The following PIP5K1C variants were observed in gnomAD, a reference collection of about 807,000 sequenced individuals.
The protein encoded by PIP5K1C is phosphatidylinositol 4-phosphate 5-kinase type-1 gamma.
In PIP5K1C, 45 loss-of-function variants were observed where a neutral mutation model predicts 80.1. The ratio of observed to expected loss-of-function variants is 0.56; its 90% CI spans 0.44 to 0.72. The LOEUF (loss-of-function observed/expected upper bound fraction) is 0.72. Ranked by LOEUF, PIP5K1C falls within the 30% of genes least tolerant of loss-of-function variation. The pLI is 0.00. For missense variants in PIP5K1C, 753 were observed against 954.6 expected, an observed-to-expected ratio of 0.79 and a Z score of 2.78; for synonymous variants, 498 against 420.1, an observed-to-expected ratio of 1.19 and a Z score of -2.27.
intron 8 of PIP5K1C, among the ~76,000 whole-genome samples, chr19:3,651,500 C>T (rs1056070934): frequency 1.3e-5 from 2 of 152,224 alleles, no homozygotes; most frequent in East Asian, 1.9e-4. Context: ...GCACGGGTGG[C>T]GTGTAGACCC....
At chr19:3,665,916 C>G (rs1162764425) in intron 2 of PIP5K1C, among the ~76,000 whole-genome samples, 1 of 152,176 alleles carries the variant, frequency 6.6e-6, no homozygotes, top group African/African-American at 2.4e-5. Context: ...AGACCCCATC[C>G]CACCGCTATC....
chr19:3,699,969 C>A (rs1179914506), intron 1 of PIP5K1C, among the ~76,000 whole-genome samples: 3 of 152,226 alleles, frequency 2.0e-5, no homozygotes, highest in Non-Finnish European at 2.9e-5. Context: ...GCCTCAGAGA[C>A]CCCCGCCTCC....
At chr19:3,666,523 G>A (rs1600025734) in intron 2 of PIP5K1C, among the ~76,000 whole-genome samples, 1 of 151,798 alleles carries the variant, frequency 6.6e-6, no homozygotes, top group African/African-American at 2.4e-5. Flanking sequence ...ACAGGCAAAC[G>A]TGTACATACG....
At chr19:3,646,127 G>C in intron 10 of PIP5K1C, 69 bp from the exon 11 acceptor site, 1 of 949,878 alleles carries the variant, frequency 1.1e-6, no homozygotes, top group Non-Finnish European at 1.7e-6. Flanking sequence ...GACAGCCCCA[G>C]ACAGACGCTG....
At position 3,657,882 on chromosome 19, in the gene PIP5K1C, CT is replaced by C. The variant is rs565903564; in HGVS notation, c.469-1326del. 2.6e-4 allele frequency among the ~76,000 whole-genome samples: 40 copies of C among 152,266 alleles called. No individual in the cohort carries two copies. The East Asian group carries it at 6.8e-3, about 26-fold the overall frequency. ...CCCAGGAGGTCAAGGCTGCTGTGAG[CT>C]GTGACAGCGCCACTGCCCTCCAACC... On this transcript the variant is annotated intron_variant, in intron 5 of 17. Coordinates refer to ENST00000335312, the MANE Select transcript of PIP5K1C (RefSeq NM_012398.3).
rs536792973 is a variant in PIP5K1C at position 3,659,719 on chromosome 19, C to T, written c.468+1247G>A. ...CCTGAACAGGCTGGAGTTCTCGGGG[C>T]GGGGGAGGGGGGGGTGTCACACGTA... On this transcript the variant is annotated intron_variant, in intron 5 of 17. Transcript: ENST00000335312. Among the ~76,000 whole-genome samples the T allele has an allele frequency of 7.6e-5, 11 of 144,386 alleles. 1 individual carries two copies. The South Asian group carries it at 2.4e-3, about 32-fold the overall frequency. The allele number at this position is 144,386 out of a possible 152,430, so 94.7% of individuals were successfully genotyped here.
rs542656244 is a variant in PIP5K1C at position 3,688,412 on chromosome 19, C to T, written c.94+11885G>A. Among the ~76,000 whole-genome samples the T allele has an allele frequency of 2.0e-4, 30 of 152,228 alleles. 1 individual carries two copies. Among genetic ancestry groups the T allele is most frequent in the African/African-American group, 6.0e-4 (25 of 41,554 alleles). ...ACGGCCTCTGGCCCCCTGCTGTGGG[C>T]GGGGAGGGATCTAGAAGACCGGAAG... On this transcript the variant is annotated intron_variant, in intron 1 of 17. Transcript: ENST00000335312. The surrounding 1 kb of genome is among the most constrained non-coding windows in gnomAD (Gnocchi z 5.3).
chr19:3,695,452 C>T (rs887811382), intron 1 of PIP5K1C, among the ~76,000 whole-genome samples: 7 of 152,208 alleles, frequency 4.6e-5, no homozygotes, highest in Admixed American at 6.5e-5. Flanking sequence ...TCCATGCAGC[C>T]CAGGAGAAAG....
intron 1 of PIP5K1C, among the ~76,000 whole-genome samples, chr19:3,678,228 G>A (rs571829814): frequency 1.6e-4 from 21 of 129,310 alleles, no homozygotes; most frequent in African/African-American, 5.9e-4. Context: ...GGGACGGAGG[G>A]ATGGAGGATG....
At position 3,637,864 on chromosome 19, in the gene PIP5K1C, C is replaced by T; in HGVS notation, c.1920+1020G>A. On this transcript the variant is annotated intron_variant, in intron 16 of 17. Transcript: ENST00000335312. This position sits in a 1 kb window ranked among gnomAD's most constrained non-coding sequence, Gnocchi z 7.0. Reference sequence around the variant, plus strand: ...ACAGCACGACATGGCCCCCAGGCCCCCCGTACCATCCGGAGACCAGGACGC... The same window carrying T: ...ACAGCACGACATGGCCCCCAGGCCCTCCGTACCATCCGGAGACCAGGACGC... 1.3e-6 allele frequency: 2 copies of T among 1,535,390 alleles called. No homozygotes were observed. Among genetic ancestry groups the T allele is most frequent in the Non-Finnish European group, 1.7e-6 (2 of 1,146,696 alleles).
Position 3,647,390 on chromosome 19 carries a change from T to G in PIP5K1C, c.1212-4A>C. 1 of 1,581,492 alleles carries G rather than the reference T, an allele frequency of 6.3e-7. No individual in the cohort carries two copies. Among genetic ancestry groups the G allele is most frequent in the Non-Finnish European group, 8.6e-7 (1 of 1,162,740 alleles). The stretch of plus-strand genomic sequence containing the variant: ...GTGCTCCAGTTTCTTGATGAACCTG[T>G]GGAGAGAGCACCCGGAGTGGCAGCT... On this transcript the variant is annotated splice_polypyrimidine_tract_variant and splice_region_variant and intron_variant, in intron 9 of 17. Transcript: ENST00000335312.
rs147084430 is a variant in PIP5K1C at position 3,653,308 on chromosome 19, C to T, written c.903G>A (p.Thr301=). ...DADTFSALVK[T]LQRDCLVLES... ...CCCTCACCAGGCAGTCCCGCTGCAG[C>T]GTCTTGACCAGGGCGCTGAAGGTGT... The change falls in exon 7 of 18, where the codon ACG becomes ACA. Residue 301 remains threonine (T), a synonymous_variant. Transcript: ENST00000335312. The T allele has an allele frequency of 2.3e-5, 37 of 1,608,706 alleles. No individual in the cohort carries two copies. In the Middle Eastern group the frequency reaches 8.2e-4, roughly 36 times the overall value.
At chr19:3,655,943 G>C (rs2034611634) in intron 6 of PIP5K1C, among the ~76,000 whole-genome samples, 1 of 152,246 alleles carries the variant, frequency 6.6e-6, no homozygotes, top group Non-Finnish European at 1.5e-5. Context: ...GGGCCGGATG[G>C]AGCTGCCTCA....
At chr19:3,673,521 G>C (rs746697347) in intron 1 of PIP5K1C, among the ~76,000 whole-genome samples, 87 of 152,324 alleles carry the variant, frequency 5.7e-4, no homozygotes, top group African/African-American at 2.1e-3. Flanking sequence ...GAGTAGCACA[G>C]GGGGCCTGCA....
At position 3,688,732 on chromosome 19, in the gene PIP5K1C, AAGAGAG is replaced by A. The variant is rs140253409; in HGVS notation, c.94+11559_94+11564del. On this transcript the variant is annotated intron_variant, in intron 1 of 17. Transcript: ENST00000335312. This position sits in a 1 kb window ranked among gnomAD's most constrained non-coding sequence, Gnocchi z 5.3. Reference sequence around the variant, plus strand: ...TTGCTCAAACAGGACTGAGAGCGGAAAGAGAGAGAGAGAGAGGAGAGTGGGGGGAGA... The same window carrying A: ...TTGCTCAAACAGGACTGAGAGCGGAAAGAGAGAGAGGAGAGTGGGGGGAGA... Among the ~76,000 whole-genome samples the A allele has an allele frequency of 2.0e-5, 3 of 150,490 alleles. No homozygotes were observed. In the East Asian group the frequency reaches 5.9e-4, roughly 29 times the overall value.
At chr19:3,642,712 G>T (rs756487707) in intron 14 of PIP5K1C, among the ~76,000 whole-genome samples, 195 bp downstream of exon 14, 2 of 152,102 alleles carry the variant, frequency 1.3e-5, no homozygotes, top group African/African-American at 4.8e-5. Context: ...GACCAGAGCT[G>T]CCCTGGCTCT....
chr19:3,632,806 C>G lies in PIP5K1C; in HGVS notation c.*361G>C. ...GACACAGGCAGGCACAGCAGAGAAC[C>G]AAAGAGTGCAGTGGGCAGGGGCTCT... On this transcript the variant is annotated 3_prime_UTR_variant, in exon 18 of 18. Transcript: ENST00000335312. 3.7e-6 allele frequency: 1 copy of G among 268,250 alleles called. No homozygotes were observed. The highest frequency in any genetic ancestry group is 7.0e-6 in the Non-Finnish European group (1 of 142,870). 16.6% of individuals were successfully genotyped at this position (268,250 alleles called of 1,614,324 possible).
chr19:3,682,163 C>G (rs1475586120), intron 1 of PIP5K1C, among the ~76,000 whole-genome samples: 1 of 151,826 alleles, frequency 6.6e-6, no homozygotes, highest in African/African-American at 2.4e-5. Context: ...CACCTGAGAT[C>G]AGGAGTTTGA....
intron 1 of PIP5K1C, among the ~76,000 whole-genome samples, chr19:3,679,785 T>C (rs1600069405): frequency 1.3e-5 from 2 of 152,088 alleles, no homozygotes; most frequent in East Asian, 3.9e-4. Flanking sequence ...ACCTGCAGGG[T>C]TGGAGGGGCC....
Sources: allele counts gnomAD v4.1 joint callset (sites outside exome capture counted in the v4.1 genomes callset), GRCh38; gene constraint gnomAD v4.1.1; non-coding constraint Gnocchi (gnomAD v3.1); transcripts MANE v1.5; gene names NCBI Gene and HGNC (gene_info 2026-07-23, HGNC 2026-07-21).